ATP8A2: variants seen among roughly 807,000 people sequenced by gnomAD.
The protein encoded by ATP8A2 is phospholipid-transporting ATPase IB.
ATP8A2 carries 100 observed loss-of-function variants against 165.6 expected under a neutral mutation model. That is an observed-to-expected ratio of 0.60 (90% confidence interval 0.51 to 0.71). The LOEUF (loss-of-function observed/expected upper bound fraction) is 0.71, where lower values mean the gene tolerates loss of function less well. Among genes scored for constraint, ATP8A2 ranks in the 30% least tolerant of loss-of-function variants. The probability of loss-of-function intolerance (pLI) is 0.00; values close to 1 mark genes in which losing one functional copy is unlikely to be tolerated. For missense variants in ATP8A2, 1,227 were observed against 1,479.5 expected (o/e 0.83, Z 2.80); for synonymous variants, 543 against 548.8 (o/e 0.99, Z 0.15).
chr13:25,687,581 G>A (rs192527931), intron 24 of ATP8A2, among the ~76,000 whole-genome samples: 59 of 152,258 alleles, frequency 3.9e-4, no homozygotes, highest in Admixed American at 2.9e-3. Context: ...TCTCCATGGC[G>A]TTGATATTCA....
chr13:25,828,082 T>C lies in ATP8A2; in HGVS notation c.2680-36T>C, dbSNP rs765571953. The C allele has an allele frequency of 3.9e-6, 6 of 1,536,368 alleles. No homozygotes were observed. The Admixed American group carries it at 8.3e-5, about 21-fold the overall frequency. ...GTGAATGGAAACATTTAGGTCAATA[T>C]TGATATAAAACTTCATGAGCTTTCT... is the stretch of plus-strand genomic sequence containing the variant. On this transcript the variant is annotated intron_variant, in intron 27 of 36. Coordinates refer to ENST00000381655, the MANE Select transcript of ATP8A2 (RefSeq NM_016529.6).
intron 35 of ATP8A2, among the ~76,000 whole-genome samples, chr13:25,975,582 GAAA>G (rs56767162): frequency 6.9e-6 from 1 of 144,704 alleles, no homozygotes; most frequent in Non-Finnish European, 1.5e-5. Flanking sequence ...ACTCCATCTC[GAAA>G]AAAAAAAAAG....
At chr13:25,788,080 C>G (rs2045076831) in intron 27 of ATP8A2, among the ~76,000 whole-genome samples, 1 of 152,156 alleles carries the variant, frequency 6.6e-6, no homozygotes, top group Non-Finnish European at 1.5e-5. Flanking sequence ...GGCCCCGCAC[C>G]CAGGCCAGCT....
intron 25 of ATP8A2, among the ~76,000 whole-genome samples, chr13:25,752,898 C>G (rs1228265180): frequency 6.6e-6 from 1 of 152,186 alleles, no homozygotes; most frequent in Non-Finnish European, 1.5e-5. Flanking sequence ...TAACTCTCCT[C>G]CTTCCCTTTC....
chr13:25,755,827 A>G lies in ATP8A2; in HGVS notation c.2385-13219A>G, dbSNP rs185683679. On this transcript the variant is annotated intron_variant, in intron 25 of 36. Coordinates refer to ENST00000381655, the MANE Select transcript of ATP8A2 (RefSeq NM_016529.6). The stretch of plus-strand genomic sequence containing the variant: ...GAGGCTGATGTAGGAGAATCGATTG[A>G]ACCTGGGAGGTGGACGTTGCAGGCA... 1.2e-4 allele frequency among the ~76,000 whole-genome samples: 19 copies of G among 152,246 alleles called. No homozygotes were observed. The East Asian group carries it at 3.7e-3, about 29-fold the overall frequency.
At chr13:25,723,505 C>T (rs1417105363) in intron 25 of ATP8A2, among the ~76,000 whole-genome samples, 1 of 152,140 alleles carries the variant, frequency 6.6e-6, no homozygotes, top group East Asian at 1.9e-4. Flanking sequence ...ATTTGCCTGG[C>T]AGATCTTTTA....
intron 25 of ATP8A2, among the ~76,000 whole-genome samples, chr13:25,759,123 T>C (rs749125068): frequency 1.3e-5 from 2 of 152,184 alleles, no homozygotes; most frequent in Non-Finnish European, 2.9e-5. Context: ...TTGCTGTCCC[T>C]GTGGCTCTGG....
chr13:25,542,925 A>T (rs1418487650), intron 9 of ATP8A2, among the ~76,000 whole-genome samples: 4 of 151,862 alleles, frequency 2.6e-5, no homozygotes. Flanking sequence ...TTATTTTACA[A>T]ATAATAATAA....
At chr13:25,722,419 CATTTTGCTGGGGTTACAGGTACCCCA>C (rs2043401637) in intron 25 of ATP8A2, among the ~76,000 whole-genome samples, 1 of 152,198 alleles carries the variant, frequency 6.6e-6, no homozygotes, top group African/African-American at 2.4e-5. Flanking sequence ...GTGCTGCCTG[CATTTTGCTGGGGTTACAGGTACCCCA>C]TTATTGGCCT....
intron 24 of ATP8A2, among the ~76,000 whole-genome samples, chr13:25,660,714 A>T (rs554411017): frequency 6.6e-6 from 1 of 152,326 alleles, no homozygotes; most frequent in African/African-American, 2.4e-5. Flanking sequence ...AAAGCTGGAA[A>T]TATTCCCTCA....
chr13:25,740,614 T>G (rs145221849), intron 25 of ATP8A2, among the ~76,000 whole-genome samples: 1 of 152,306 alleles, frequency 6.6e-6, no homozygotes, highest in Non-Finnish European at 1.5e-5. Flanking sequence ...TGATTCTATG[T>G]AGCTTCATGG....
At chr13:25,424,422 A>G (rs2034384868) in intron 1 of ATP8A2, among the ~76,000 whole-genome samples, 1 of 152,154 alleles carries the variant, frequency 6.6e-6, no homozygotes, top group Non-Finnish European at 1.5e-5. Flanking sequence ...ACCTTCCAAT[A>G]TAGGAGGAAG....
chr13:25,402,287 A>G (rs563092579), intron 1 of ATP8A2, among the ~76,000 whole-genome samples: 1 of 152,278 alleles, frequency 6.6e-6, no homozygotes, highest in South Asian at 2.1e-4. Flanking sequence ...TTTTCAGGCC[A>G]TGGTTGACTG....
At chr13:25,558,057 C>T (rs1235667071) in intron 13 of ATP8A2, among the ~76,000 whole-genome samples, 1 of 152,122 alleles carries the variant, frequency 6.6e-6, no homozygotes, top group Non-Finnish European at 1.5e-5. Context: ...GCACCTGCCA[C>T]CATGCCTGGC....
intron 1 of ATP8A2, among the ~76,000 whole-genome samples, chr13:25,388,219 G>A (rs1017238703): frequency 6.6e-6 from 1 of 151,812 alleles, no homozygotes; most frequent in Non-Finnish European, 1.5e-5. Flanking sequence ...AGGAAGGAAG[G>A]GATAAAGGAA....
chr13:25,889,051 A>G (rs1416609398), intron 33 of ATP8A2, among the ~76,000 whole-genome samples: 1 of 152,012 alleles, frequency 6.6e-6, no homozygotes, highest in Non-Finnish European at 1.5e-5. Flanking sequence ...TGTGAGTTCT[A>G]CCACATAAGA....
chr13:25,630,413 C>T (rs955281010), intron 24 of ATP8A2, among the ~76,000 whole-genome samples: 4 of 152,276 alleles, frequency 2.6e-5, no homozygotes, highest in Admixed American at 2.6e-4. Flanking sequence ...TTCCCTTTTC[C>T]ATGCGACAGC....
At chr13:25,424,024 G>T (rs1390578031) in intron 1 of ATP8A2, among the ~76,000 whole-genome samples, 1 of 152,156 alleles carries the variant, frequency 6.6e-6, no homozygotes, top group African/African-American at 2.4e-5. Flanking sequence ...GGCAGATGGG[G>T]AGGGCCATCA....
At chr13:26,000,550 C>T (rs1956611891) in intron 35 of ATP8A2, among the ~76,000 whole-genome samples, 1 of 152,034 alleles carries the variant, frequency 6.6e-6, no homozygotes. Context: ...TAAAAAGAGC[C>T]TTTTGTAAGG....
Sources: gnomAD v4.1 joint callset for allele counts (sites outside exome capture counted in the v4.1 genomes callset) on GRCh38, gnomAD v4.1.1 for gene constraint, MANE v1.5 for transcripts, NCBI Gene and HGNC (gene_info 2026-07-23, HGNC 2026-07-21) for gene names.